Variants in DNAAF9 observed in about 807,000 individuals in gnomAD.
DNAAF9 encodes dynein axonemal assembly factor 9.
A neutral mutation model predicts 167.0 loss-of-function variants in DNAAF9; 90 were observed. The observed-to-expected ratio is 0.54, with a 90% CI of 0.45 to 0.64. DNAAF9 has a LOEUF of 0.64. Among genes scored for constraint, DNAAF9 ranks in the 30% least tolerant of loss-of-function variants. DNAAF9 has a pLI of 0.00. For missense variants in DNAAF9, 1,315 were observed against 1,442.2 expected (o/e 0.91, Z 1.43); for synonymous variants, 491 against 508.8 (o/e 0.96, Z 0.47).
intron 13 of DNAAF9, 108 bp downstream of exon 13, chr20:3,326,089 G>A (rs1408646370): frequency 1.3e-6 from 1 of 782,552 alleles, no homozygotes; most frequent in Non-Finnish European, 2.1e-6. Flanking sequence ...AGAGGCCCAA[G>A]CTCGCACAAA....
At chr20:3,306,331 G>A (rs2069292392) in intron 20 of DNAAF9, among the ~76,000 whole-genome samples, 1 of 152,094 alleles carries the variant, frequency 6.6e-6, no homozygotes, top group Non-Finnish European at 1.5e-5. Flanking sequence ...CTATTGCTCA[G>A]AAATTTCTGA....
chr20:3,371,286 A>C (rs1359179910), intron 6 of DNAAF9, among the ~76,000 whole-genome samples: 2 of 151,042 alleles, frequency 1.3e-5, no homozygotes, highest in Non-Finnish European at 2.9e-5. Context: ...CCTAAAAAGT[A>C]CCAAAAAGAG....
chr20:3,310,217 G>A (rs2069376784), intron 20 of DNAAF9, among the ~76,000 whole-genome samples: 1 of 143,192 alleles, frequency 7.0e-6, no homozygotes, highest in South Asian at 2.2e-4. Context: ...ATGAACAAAC[G>A]AACTAATGAT....
intron 7 of DNAAF9, among the ~76,000 whole-genome samples, chr20:3,354,294 T>C (rs1394532543): frequency 6.6e-6 from 1 of 152,244 alleles, no homozygotes; most frequent in African/African-American, 2.4e-5. Flanking sequence ...TGTAAGTAAG[T>C]GGAACTGGTC....
At chr20:3,261,635 G>A (rs532782768) in intron 31 of DNAAF9, among the ~76,000 whole-genome samples, 5 of 151,926 alleles carry the variant, frequency 3.3e-5, no homozygotes, top group African/African-American at 9.7e-5. Context: ...CAAAGTGCTG[G>A]GATTACAGGT....
In DNAAF9 at chr20:3,249,437, G is replaced by A. The variant is rs150135017; in HGVS notation, c.*3135C>T. The A allele has an allele frequency of 5.2e-4, 79 of 152,350 alleles. No individual in the cohort carries two copies. The highest frequency in any genetic ancestry group is 1.6e-3 in the African/African-American group (67 of 41,574). The allele number at this position is 152,350 out of a possible 1,614,324, so 9.4% of individuals were successfully genotyped here. ...TGAAGGCTACTTTTATATATTTACT[G>A]AATTAAGTAGTGTAATAAATACTAT... On this transcript the variant is annotated 3_prime_UTR_variant, in exon 37 of 37. Transcript: ENST00000252032.
intron 7 of DNAAF9, among the ~76,000 whole-genome samples, chr20:3,355,606 T>C (rs2083274275): frequency 1.3e-5 from 2 of 151,888 alleles, no homozygotes; most frequent in African/African-American, 2.4e-5. Context: ...ATAGAACAGA[T>C]GTTCAATGTT....
Position 3,328,598 on chromosome 20 carries a change from A to G in DNAAF9, c.1100+2048T>C, listed in dbSNP as rs147308628. ...TACCAGTCCCTGACATGGGGCATCA[A>G]TGGATTTGGTTTAGGCAAAATGTTT... On this transcript the variant is annotated intron_variant, in intron 12 of 36. Coordinates refer to ENST00000252032, the MANE Select transcript of DNAAF9 (RefSeq NM_001009984.3). Among the ~76,000 whole-genome samples the G allele has an allele frequency of 4.6e-5, 7 of 152,282 alleles. No homozygotes were observed. In the East Asian group the frequency reaches 5.8e-4, roughly 13 times the overall value.
intron 31 of DNAAF9, among the ~76,000 whole-genome samples, chr20:3,262,965 CTTTTTT>C (rs796491974): frequency 2.5e-5 from 2 of 81,322 alleles, no homozygotes; most frequent in South Asian, 4.7e-4. Context: ...CATAGCAGAT[CTTTTTT>C]TTTTTTTTTT....
intron 7 of DNAAF9, among the ~76,000 whole-genome samples, chr20:3,358,954 C>T (rs868856850): frequency 1.3e-5 from 2 of 152,158 alleles, no homozygotes; most frequent in Middle Eastern, 3.2e-3. Flanking sequence ...CTGATATAGA[C>T]AGGCCGTGTA....
At chr20:3,338,457 T>C (rs1347108509) in intron 10 of DNAAF9, among the ~76,000 whole-genome samples, 1 of 152,116 alleles carries the variant, frequency 6.6e-6, no homozygotes, top group African/African-American at 2.4e-5. Flanking sequence ...CACATAGATA[T>C]TTTGGGATTT....
chr20:3,262,965 CTTTTTTT>C (rs796491974), intron 31 of DNAAF9, among the ~76,000 whole-genome samples: 8 of 81,322 alleles, frequency 9.8e-5, no homozygotes, highest in East Asian at 4.0e-4. Flanking sequence ...CATAGCAGAT[CTTTTTTT>C]TTTTTTTTTT....
At chr20:3,273,071 T>A (rs2068621440) in intron 29 of DNAAF9, among the ~76,000 whole-genome samples, 1 of 152,128 alleles carries the variant, frequency 6.6e-6, no homozygotes, top group African/African-American at 2.4e-5. Context: ...CCTCAGGTGA[T>A]CCACCCGCCT....
chr20:3,303,006 A>C (rs2069218381), intron 21 of DNAAF9, among the ~76,000 whole-genome samples: 1 of 152,160 alleles, frequency 6.6e-6, no homozygotes, highest in African/African-American at 2.4e-5. Context: ...TGGGAGGCCG[A>C]GGTGAGTGGA....
intron 29 of DNAAF9, among the ~76,000 whole-genome samples, chr20:3,277,880 GACA>G (rs987999195): frequency 1.3e-5 from 2 of 152,184 alleles, no homozygotes; most frequent in African/African-American, 2.4e-5. Context: ...TGTTTCCCAA[GACA>G]ACAACTCTGG....
intron 29 of DNAAF9, among the ~76,000 whole-genome samples, chr20:3,274,768 A>T (rs2068650643): frequency 6.6e-6 from 1 of 152,150 alleles, no homozygotes; most frequent in Non-Finnish European, 1.5e-5. Flanking sequence ...TGAGAATTAG[A>T]CTTCTCCCTG....
At chr20:3,306,815 T>C (rs1332584103) in intron 20 of DNAAF9, 19 of 689,850 alleles carry the variant, frequency 2.8e-5, no homozygotes, top group Non-Finnish European at 3.4e-5. Flanking sequence ...ACAGAGCTCA[T>C]CCCAGACCTT....
chr20:3,322,103 G>T lies in DNAAF9; in HGVS notation c.1356+114C>A, dbSNP rs932672240. ...CTGGGATAGGACTGAGAGAAGATCA[G>T]CTTCTTCAGGTGGGGTGGGCTGCCC... On this transcript the variant is annotated intron_variant, in intron 16 of 36. Transcript: ENST00000252032. The T allele has an allele frequency of 9.1e-5, 65 of 717,902 alleles. No homozygotes were observed. In the Middle Eastern group the frequency reaches 1.8e-3, roughly 20 times the overall value. 44.5% of individuals were successfully genotyped at this position (717,902 alleles called of 1,614,324 possible).
chr20:3,295,904 T>A (rs2069067064), intron 23 of DNAAF9: 9 of 1,391,078 alleles, frequency 6.5e-6, no homozygotes, highest in Non-Finnish European at 9.2e-6. Context: ...GTCAATTGAA[T>A]GTTCTCTCAG....
Sources: allele counts gnomAD v4.1 joint callset (sites outside exome capture counted in the v4.1 genomes callset), GRCh38; gene constraint gnomAD v4.1.1; transcripts MANE v1.5; gene names NCBI Gene and HGNC (gene_info 2026-07-23, HGNC 2026-07-21).